KIF15: variants seen among roughly 807,000 people sequenced by gnomAD.
The protein encoded by KIF15 is kinesin-like protein KIF15.
In KIF15, 140 loss-of-function variants were observed where a neutral mutation model predicts 190.6. The observed-to-expected ratio is 0.73, with a 90% CI of 0.64 to 0.84. The LOEUF is 0.84. KIF15 is among the 40% of genes least tolerant of loss of function. The probability of loss-of-function intolerance (pLI) is 0.00; values close to 1 mark genes in which losing one functional copy is unlikely to be tolerated. For missense variants in KIF15, 1,372 were observed against 1,584.4 expected (o/e 0.87, Z 2.28); for synonymous variants, 528 against 551.3 (o/e 0.96, Z 0.59).
At chr3:44,771,220 A>G (rs1705627348) in intron 1 of KIF15, among the ~76,000 whole-genome samples, 2 of 152,230 alleles carry the variant, frequency 1.3e-5, no homozygotes, top group Admixed American at 1.3e-4. Context: ...TAATAACTTA[A>G]CATAACAACC....
At chr3:44,814,344 T>C (rs1372552070) in intron 19 of KIF15, among the ~76,000 whole-genome samples, 1 of 152,204 alleles carries the variant, frequency 6.6e-6, no homozygotes, top group Non-Finnish European at 1.5e-5. Context: ...AGTCTCACTT[T>C]GTCACCCAGG....
intron 20 of KIF15, among the ~76,000 whole-genome samples, chr3:44,822,521 T>C (rs1244493871): frequency 6.6e-6 from 1 of 152,196 alleles, no homozygotes; most frequent in East Asian, 1.9e-4. Context: ...TGTGGTATTC[T>C]CTGTTTTTCC....
At chr3:44,787,167 A>G (rs1706446865) in intron 7 of KIF15, among the ~76,000 whole-genome samples, 1 of 152,220 alleles carries the variant, frequency 6.6e-6, no homozygotes, top group Non-Finnish European at 1.5e-5. Flanking sequence ...AGACCCTGGT[A>G]TCACCAGTAC....
rs754113205 is a variant in KIF15 at position 44,840,460 on chromosome 3, C to G, written c.3420+4C>G. ...TTCTGCTGCTGAGGATCCCCAGGTA[C>G]TTTTCAGAAAAAGATTATTTCAGGA... On this transcript the variant is annotated splice_donor_region_variant and intron_variant, in intron 28 of 34. Coordinates refer to ENST00000326047, the MANE Select transcript of KIF15 (RefSeq NM_020242.3). 1 of 1,575,146 alleles carries G rather than the reference C, an allele frequency of 6.3e-7. No homozygotes were observed. Among genetic ancestry groups the G allele is most frequent in the East Asian group, 2.2e-5 (1 of 44,570 alleles).
At chr3:44,782,904 A>G (rs933713383) in intron 5 of KIF15, among the ~76,000 whole-genome samples, 1 of 152,136 alleles carries the variant, frequency 6.6e-6, no homozygotes, top group Non-Finnish European at 1.5e-5. Context: ...TCGGAGCTAT[A>G]CCCTAGGCCA....
At chr3:44,863,901 G>A (rs1489324268) in intron 6 of KIF15, 1 of 399,954 alleles carries the variant, frequency 2.5e-6, no homozygotes, top group African/African-American at 2.0e-5. Flanking sequence ...TAAGGGGCCG[G>A]TGTTCAGTAG....
intron 3 of KIF15, among the ~76,000 whole-genome samples, chr3:44,775,745 C>T (rs1043505699): frequency 6.6e-5 from 10 of 151,786 alleles, no homozygotes; most frequent in Non-Finnish European, 1.3e-4. Flanking sequence ...TGAGCCACCT[C>T]GCTGGAAACT....
chr3:44,827,665 C>G (rs1467120876), intron 23 of KIF15, 137 bp downstream of exon 23: 2 of 515,766 alleles, frequency 3.9e-6, no homozygotes. Context: ...GGGGCTGGTT[C>G]TATTATTTTT....
chr3:44,847,637 T>A (rs968497424), intron 30 of KIF15, among the ~76,000 whole-genome samples: 1 of 152,186 alleles, frequency 6.6e-6, no homozygotes, highest in African/African-American at 2.4e-5. Flanking sequence ...GGCTCTTGGC[T>A]CTTTCTTTCA....
At chr3:44,785,904 C>T (rs1417659925) in intron 6 of KIF15, among the ~76,000 whole-genome samples, 3 of 152,124 alleles carry the variant, frequency 2.0e-5, no homozygotes, top group South Asian at 2.1e-4. Context: ...TTTGATGCAG[C>T]TCTAAAATAT....
chr3:44,768,288 GAAAAGA>G (rs1575571373), intron 1 of KIF15, among the ~76,000 whole-genome samples: 7 of 149,556 alleles, frequency 4.7e-5, no homozygotes, highest in Admixed American at 6.7e-5. Flanking sequence ...AAAAAGAAAA[GAAAAGA>G]AAAAAAAAAC....
rs1174829320 is a variant in KIF15 at position 44,805,050 on chromosome 3, G to A, written c.1711G>A (p.Ala571Thr). The A allele has an allele frequency of 1.9e-6, 3 of 1,611,898 alleles. No individual in the cohort carries two copies. The Admixed American group carries it at 5.0e-5, about 27-fold the overall frequency. The change falls in exon 15 of 35, where the codon GCT becomes ACT. Residue 571 changes from alanine (A) to threonine (T), a missense_variant. Physicochemically the swap from Ala to Thr is moderately conservative, Grantham distance 58. Transcript: ENST00000326047. ...AGATCAGCAAGGATTTTCACCTAAA[G>A]CTCAGAAAGAGCCATGTTTGTTTGC... is the stretch of plus-strand genomic sequence containing the variant. ...DKNQQGFSPK[A>T]QKEPCLFANT...
chr3:44,851,703 C>T, intron 32 of KIF15, 84 bp from the exon 33 acceptor site: 7 of 1,116,740 alleles, frequency 6.3e-6, no homozygotes, highest in Non-Finnish European at 7.6e-6. Context: ...AAATTCTGGC[C>T]TTGCAGTACA....
chr3:44,830,868 T>C (rs769502484), intron 25 of KIF15, 28 bp from the exon 26 acceptor site: 1 of 1,600,604 alleles, frequency 6.2e-7, no homozygotes, highest in Non-Finnish European at 8.5e-7. Context: ...ATAAAATGGC[T>C]CTTATAGCAT....
At chr3:44,797,503 G>A in intron 8 of KIF15, 48 bp from the exon 9 acceptor site, 1 of 1,594,816 alleles carries the variant, frequency 6.3e-7, no homozygotes, top group Non-Finnish European at 8.6e-7. Context: ...AAATACCAAA[G>A]AGTAACCAAC....
chr3:44,809,413 G>A (rs1391843383), intron 16 of KIF15, among the ~76,000 whole-genome samples: 2 of 152,064 alleles, frequency 1.3e-5, no homozygotes, highest in Non-Finnish European at 2.9e-5. Context: ...TTATATAGAA[G>A]TTTTATATTT....
At chr3:44,817,518 T>C (rs1708081493) in intron 20 of KIF15, among the ~76,000 whole-genome samples, 1 of 152,210 alleles carries the variant, frequency 6.6e-6, no homozygotes, top group Non-Finnish European at 1.5e-5. Context: ...CATTTCTTGT[T>C]TTTCTCAGGT....
chr3:44,830,775 T>G (rs1348275103), intron 25 of KIF15, 121 bp from the exon 26 acceptor site: 2 of 933,042 alleles, frequency 2.1e-6, no homozygotes, highest in African/African-American at 3.4e-5. Flanking sequence ...AGTCAGCAAG[T>G]ATTTATTGAA....
In KIF15 at chr3:44,805,831, A is replaced by G; in HGVS notation, c.1830-14A>G. On this transcript the variant is annotated splice_polypyrimidine_tract_variant and intron_variant, in intron 15 of 34. Coordinates refer to ENST00000326047, the MANE Select transcript of KIF15 (RefSeq NM_020242.3). Reference sequence around the variant, plus strand: ...CTTATTACCTGAAATACTCCGTTTTACAATATCTATTAGGAAAAGGCAGCT... The same window carrying G: ...CTTATTACCTGAAATACTCCGTTTTGCAATATCTATTAGGAAAAGGCAGCT... 6.2e-7 allele frequency: 1 copy of G among 1,607,560 alleles called. No homozygotes were observed. Among genetic ancestry groups the G allele is most frequent in the Non-Finnish European group, 8.5e-7 (1 of 1,177,518 alleles).
Sources: gnomAD v4.1 joint callset for allele counts (sites outside exome capture counted in the v4.1 genomes callset) on GRCh38, gnomAD v4.1.1 for gene constraint, MANE v1.5 for transcripts, NCBI Gene and HGNC (gene_info 2026-07-23, HGNC 2026-07-21) for gene names.